The following DOCK3 variants were observed in gnomAD, a reference collection of about 807,000 sequenced individuals.
The protein encoded by DOCK3 is dedicator of cytokinesis protein 3.
DOCK3 carries 60 observed loss-of-function variants against 265.6 expected under a neutral mutation model. The ratio of observed to expected loss-of-function variants is 0.23; its 90% confidence interval spans 0.18 to 0.28. DOCK3 has a LOEUF of 0.28. Ranked by LOEUF, DOCK3 falls within the 10% of genes least tolerant of loss-of-function variation. The probability of loss-of-function intolerance (pLI) is 1.00; values close to 1 mark genes in which losing one functional copy is unlikely to be tolerated. For synonymous variants in DOCK3, 881 were observed against 938.0 expected (o/e 0.94, Z 1.11); for missense variants, 1,981 against 2,594.3 (o/e 0.76, Z 5.14).
intron 5 of DOCK3, among the ~76,000 whole-genome samples, chr3:51,007,594 T>A (rs1302671607): frequency 1.3e-5 from 2 of 152,214 alleles, no homozygotes; most frequent in Non-Finnish European, 2.9e-5. Context: ...GATGGTAGTT[T>A]CTTTTGCTGT....
At chr3:51,206,024 C>G (rs2089188879) in intron 12 of DOCK3, among the ~76,000 whole-genome samples, 1 of 152,212 alleles carries the variant, frequency 6.6e-6, no homozygotes, top group African/African-American at 2.4e-5. Context: ...TCCTCCTTGA[C>G]TCAAATAGGC....
intron 22 of DOCK3, among the ~76,000 whole-genome samples, chr3:51,256,950 G>A (rs2079583027): frequency 6.6e-6 from 1 of 152,220 alleles, no homozygotes; most frequent in African/African-American, 2.4e-5. Flanking sequence ...TAAAGCAAGG[G>A]CTTTCAAATG....
intron 21 of DOCK3, among the ~76,000 whole-genome samples, chr3:51,243,943 T>C (rs2108540706): frequency 6.6e-6 from 1 of 152,376 alleles, no homozygotes; most frequent in South Asian, 2.1e-4. Flanking sequence ...CAGTTCCATT[T>C]ATTGAAGCTG....
intron 14 of DOCK3, among the ~76,000 whole-genome samples, chr3:51,221,316 G>C (rs901113229): frequency 6.6e-6 from 1 of 152,174 alleles, no homozygotes; most frequent in East Asian, 1.9e-4. Context: ...TTGCAGTGTA[G>C]TGTGGCTGTT....
intron 9 of DOCK3, among the ~76,000 whole-genome samples, chr3:51,091,542 G>A (rs2082635765): frequency 6.6e-6 from 1 of 152,148 alleles, no homozygotes; most frequent in Non-Finnish European, 1.5e-5. Flanking sequence ...AATTAGCTGG[G>A]CGTGGTGGCG....
chr3:51,199,391 G>C (rs535202964), intron 12 of DOCK3, among the ~76,000 whole-genome samples: 1 of 152,228 alleles, frequency 6.6e-6, no homozygotes, highest in Non-Finnish European at 1.5e-5. Context: ...ATTATATCCT[G>C]CACCTGGCTC....
At chr3:51,355,853 T>C (rs1208454164) in intron 41 of DOCK3, among the ~76,000 whole-genome samples, 1 of 152,172 alleles carries the variant, frequency 6.6e-6, no homozygotes, top group East Asian at 1.9e-4. Context: ...CATCTCACCT[T>C]GGCTGAGTGC....
At chr3:51,229,813 A>G (rs2090471139) in intron 19 of DOCK3, among the ~76,000 whole-genome samples, 1 of 152,134 alleles carries the variant, frequency 6.6e-6, no homozygotes, top group Non-Finnish European at 1.5e-5. Context: ...ATAATTATTT[A>G]TCTGTATGGG....
At chr3:50,824,444 T>C (rs1461764419) in intron 2 of DOCK3, among the ~76,000 whole-genome samples, 1 of 152,194 alleles carries the variant, frequency 6.6e-6, no homozygotes, top group East Asian at 1.9e-4. Flanking sequence ...GGTTGTAATT[T>C]GTTTTGTGAT....
At chr3:50,802,871 T>C (rs922465576) in intron 2 of DOCK3, among the ~76,000 whole-genome samples, 10 of 152,028 alleles carry the variant, frequency 6.6e-5, no homozygotes, top group Non-Finnish European at 1.5e-4. Context: ...TAAACATGTT[T>C]TCCCCACCTT....
At chr3:50,997,340 AAAATGTTGGTTATATATTCATATCTTT>A (rs1414778973) in intron 5 of DOCK3, among the ~76,000 whole-genome samples, 3 of 152,162 alleles carry the variant, frequency 2.0e-5, no homozygotes, top group South Asian at 4.1e-4. Context: ...TATGTGAGGA[AAAATGTTGGTTATATATTCATATCTTT>A]TAGGAAAAAA....
chr3:51,345,564 G>T (rs1186989749), intron 38 of DOCK3, among the ~76,000 whole-genome samples: 1 of 152,226 alleles, frequency 6.6e-6, no homozygotes, highest in Non-Finnish European at 1.5e-5. Flanking sequence ...CAAGGTTGCA[G>T]TGAACTGTGA....
chr3:50,810,900 A>G (rs1173726431), intron 2 of DOCK3, among the ~76,000 whole-genome samples: 1 of 152,218 alleles, frequency 6.6e-6, no homozygotes, highest in Non-Finnish European at 1.5e-5. Flanking sequence ...TATGGGTTTC[A>G]TGGTTATTAC....
At chr3:51,163,358 C>T (rs1189222887) in intron 12 of DOCK3, among the ~76,000 whole-genome samples, 1 of 151,012 alleles carries the variant, frequency 6.6e-6, no homozygotes, top group Non-Finnish European at 1.5e-5. Context: ...ATAATGTTTT[C>T]ACTTGTGTAT....
intron 5 of DOCK3, among the ~76,000 whole-genome samples, chr3:51,027,939 A>G (rs1458661694): frequency 6.6e-6 from 1 of 151,728 alleles, no homozygotes; most frequent in African/African-American, 2.4e-5. Flanking sequence ...TGTAGGTTCA[A>G]CTTTGATATT....
intron 5 of DOCK3, among the ~76,000 whole-genome samples, chr3:50,942,684 A>G (rs1182249396): frequency 1.3e-5 from 2 of 152,030 alleles, no homozygotes; most frequent in Admixed American, 6.5e-5. Flanking sequence ...AAATTATTCT[A>G]AAAGAGATTA....
intron 1 of DOCK3, among the ~76,000 whole-genome samples, chr3:50,710,832 G>T (rs1445957445): frequency 6.6e-6 from 1 of 152,164 alleles, no homozygotes; most frequent in East Asian, 1.9e-4. Context: ...CCATAAAAAG[G>T]AACAAAATAA....
At chr3:50,933,905 T>A (rs2051212927) in intron 4 of DOCK3, 76 bp from the exon 5 acceptor site, 1 of 933,854 alleles carries the variant, frequency 1.1e-6, no homozygotes, top group African/African-American at 1.7e-5. Flanking sequence ...GTTAAACAAG[T>A]AGAAAAAGAC....
intron 7 of DOCK3, among the ~76,000 whole-genome samples, chr3:51,080,972 A>G (rs1355884505): frequency 1.3e-5 from 2 of 151,224 alleles, no homozygotes; most frequent in East Asian, 3.9e-4. Context: ...TATACATTCT[A>G]TATGATGTTT....
Sources: gnomAD v4.1 joint callset for allele counts (sites outside exome capture counted in the v4.1 genomes callset) on GRCh38, gnomAD v4.1.1 for gene constraint, MANE v1.5 for transcripts, NCBI Gene and HGNC (gene_info 2026-07-23, HGNC 2026-07-21) for gene names.